TMEM132D: variants seen among roughly 807,000 people sequenced by gnomAD.
TMEM132D encodes mature OL transmembrane protein.
Under a neutral mutation model 62.3 loss-of-function variants are expected in TMEM132D, and 21 were observed. That is an observed-to-expected ratio of 0.34 (90% CI 0.24 to 0.49). TMEM132D has a LOEUF of 0.49. TMEM132D is among the 20% of genes least tolerant of loss of function. TMEM132D has a pLI of 0.99. For synonymous variants in TMEM132D, 621 were observed against 575.6 expected, an observed-to-expected ratio of 1.08 and a Z score of -1.13; for missense variants, 1,346 against 1,402.8, an observed-to-expected ratio of 0.96 and a Z score of 0.65.
At chr12:129,432,835 T>C (rs1428252146) in intron 3 of TMEM132D, among the ~76,000 whole-genome samples, 3 of 152,220 alleles carry the variant, frequency 2.0e-5, no homozygotes, top group African/African-American at 7.2e-5. Flanking sequence ...TGCAGATGGA[T>C]GGGTCAGTGC....
intron 1 of TMEM132D, among the ~76,000 whole-genome samples, chr12:129,837,829 G>T (rs1239058935): frequency 6.6e-6 from 1 of 152,144 alleles, no homozygotes; most frequent in East Asian, 1.9e-4. Context: ...ACATGAAATG[G>T]TTTCGTGCCA....
chr12:129,613,841 G>C (rs1026657378), intron 2 of TMEM132D, among the ~76,000 whole-genome samples: 8 of 149,756 alleles, frequency 5.3e-5, no homozygotes, highest in Non-Finnish European at 1.2e-4. Context: ...AGAACCCAGG[G>C]GATCGGCTCC....
At chr12:129,679,171 T>C (rs12304624) in intron 2 of TMEM132D, among the ~76,000 whole-genome samples, 3,876 of 152,124 alleles carry the variant, frequency 0.025, 150 homozygotes, top group African/African-American at 0.087. Flanking sequence ...ATTGGCTCTA[T>C]GGATTAATTG....
chr12:129,426,309 T>C (rs911581084), intron 3 of TMEM132D, among the ~76,000 whole-genome samples: 5 of 152,170 alleles, frequency 3.3e-5, no homozygotes, highest in Admixed American at 1.3e-4. Context: ...GGAGGTTCCC[T>C]AATCAGACAA....
intron 1 of TMEM132D, among the ~76,000 whole-genome samples, chr12:129,842,791 C>T (rs1259968103): frequency 6.6e-6 from 1 of 152,136 alleles, no homozygotes; most frequent in Non-Finnish European, 1.5e-5. Context: ...CTTTAATTTC[C>T]CCAGCATTGC....
chr12:129,715,138 C>T (rs1303841317), intron 1 of TMEM132D, among the ~76,000 whole-genome samples: 1 of 152,098 alleles, frequency 6.6e-6, no homozygotes, highest in African/African-American at 2.4e-5. Context: ...TTTTTTCCTT[C>T]CCCATTTTCT....
chr12:129,611,769 T>A (rs777099831), intron 2 of TMEM132D, among the ~76,000 whole-genome samples: 4 of 152,164 alleles, frequency 2.6e-5, no homozygotes, highest in Non-Finnish European at 4.4e-5. Context: ...CGCTACAATG[T>A]CATCTTGTGG....
chr12:129,889,908 A>G (rs932320186), intron 1 of TMEM132D, among the ~76,000 whole-genome samples: 1 of 152,230 alleles, frequency 6.6e-6, no homozygotes, highest in East Asian at 1.9e-4. Flanking sequence ...GCATCTGTCA[A>G]TATCATGAAC....
chr12:129,646,317 A>T (rs888801311), intron 2 of TMEM132D, among the ~76,000 whole-genome samples: 4 of 152,170 alleles, frequency 2.6e-5, no homozygotes, highest in African/African-American at 9.7e-5. Flanking sequence ...AGGGCGATGC[A>T]GTATGTCCAA....
chr12:129,430,467 G>A (rs987440352), intron 3 of TMEM132D, among the ~76,000 whole-genome samples: 1 of 152,068 alleles, frequency 6.6e-6, no homozygotes, highest in African/African-American at 2.4e-5. Flanking sequence ...TATAGATTCT[G>A]CATATTAGCC....
intron 4 of TMEM132D, among the ~76,000 whole-genome samples, chr12:129,287,500 T>C (rs1881334140): frequency 6.6e-6 from 1 of 152,198 alleles, no homozygotes; most frequent in African/African-American, 2.4e-5. Flanking sequence ...AGTGCAAAAG[T>C]AGTTGCAGGT....
At chr12:129,199,048 T>A (rs1271365222) in intron 5 of TMEM132D, among the ~76,000 whole-genome samples, 1 of 150,206 alleles carries the variant, frequency 6.7e-6, no homozygotes, top group African/African-American at 2.4e-5. Flanking sequence ...AAGCATCCAA[T>A]AAGTATTAAA....
Position 129,851,451 on chromosome 12 carries a change from C to T in TMEM132D, c.79+51810G>A, listed in dbSNP as rs556186179. ...CACAATGTTGATTAAATTGTACGCA[C>T]GCCAGCATTAACACTGCTCTAGGTT... is the stretch of plus-strand genomic sequence containing the variant. On this transcript the variant is annotated intron_variant, in intron 1 of 8. Transcript: ENST00000422113. 9.5e-4 allele frequency among the ~76,000 whole-genome samples: 145 copies of T among 152,154 alleles called. 1 individual carries two copies. Among genetic ancestry groups the T allele is most frequent in the African/African-American group, 3.0e-3 (123 of 41,510 alleles).
intron 1 of TMEM132D, among the ~76,000 whole-genome samples, chr12:129,722,840 A>G (rs1187839943): frequency 6.6e-6 from 1 of 151,440 alleles, no homozygotes; most frequent in Non-Finnish European, 1.5e-5. Flanking sequence ...CTCAGATTCA[A>G]GAGATTCTCC....
intron 1 of TMEM132D, among the ~76,000 whole-genome samples, chr12:129,847,832 T>C (rs1873411654): frequency 6.6e-6 from 1 of 151,984 alleles, no homozygotes; most frequent in Admixed American, 6.6e-5. Flanking sequence ...ACCCTAAAAC[T>C]ATCACGCAGT....
At position 129,443,334 on chromosome 12, in the gene TMEM132D, T is replaced by A. The variant is rs539050642; in HGVS notation, c.1115+87725A>T. On this transcript the variant is annotated intron_variant, in intron 3 of 8. Transcript: ENST00000422113. ...CGTATCCCACACCTCAAGGTCTATG[T>A]CAATCTCTGGGCATCGCAAGTCTCT... Among the ~76,000 whole-genome samples, 4 of 152,308 alleles carry A rather than the reference T, an allele frequency of 2.6e-5. No individual in the cohort carries two copies. In the East Asian group the frequency reaches 5.8e-4, roughly 22 times the overall value.
intron 1 of TMEM132D, among the ~76,000 whole-genome samples, chr12:129,866,828 G>A (rs145721537): frequency 0.012 from 1,842 of 152,270 alleles, 16 homozygotes; most frequent in Non-Finnish European, 0.02. Flanking sequence ...CCCATGTTCA[G>A]AACTTCTGCT....
chr12:129,103,613 G>A (rs1046217406), intron 5 of TMEM132D, among the ~76,000 whole-genome samples: 32 of 152,172 alleles, frequency 2.1e-4, no homozygotes, highest in African/African-American at 7.0e-4. Context: ...TTTCCCTCCT[G>A]ACCTCGTGAT....
intron 5 of TMEM132D, among the ~76,000 whole-genome samples, chr12:129,146,934 G>T (rs571703296): frequency 2.6e-5 from 4 of 152,208 alleles, no homozygotes; most frequent in Admixed American, 6.5e-5. Context: ...CTGGCCAAAG[G>T]TCACACGGTG....
Sources: allele counts gnomAD v4.1 joint callset (sites outside exome capture counted in the v4.1 genomes callset), GRCh38; gene constraint gnomAD v4.1.1; transcripts MANE v1.5; gene names NCBI Gene and HGNC (gene_info 2026-07-23, HGNC 2026-07-21).